The following TENM3 variants were observed in gnomAD, a reference collection of about 807,000 sequenced individuals.
TENM3 encodes teneurin transmembrane protein 3.
A neutral mutation model predicts 255.1 loss-of-function variants in TENM3; 63 were observed. The observed-to-expected ratio is 0.25, with a 90% CI of 0.20 to 0.30. The LOEUF is 0.30. Ranked by LOEUF, TENM3 falls within the 10% of genes least tolerant of loss-of-function variation. The probability of loss-of-function intolerance (pLI) is 1.00; values close to 1 mark genes in which losing one functional copy is unlikely to be tolerated. For synonymous variants in TENM3, 1,306 were observed against 1,322.3 expected (o/e 0.99, Z 0.27); for missense variants, 2,929 against 3,461.1 (o/e 0.85, Z 3.86).
At chr4:182,596,976 G>A (rs10015330) in intron 3 of TENM3, among the ~76,000 whole-genome samples, 37 of 152,190 alleles carry the variant, frequency 2.4e-4, no homozygotes, top group African/African-American at 6.3e-4. Context: ...GTTCTTGTGC[G>A]GATCTGCCCA....
rs547364811 is a variant in TENM3 at position 182,632,980 on chromosome 4, A to G, written c.988+4091A>G. Among the ~76,000 whole-genome samples, 17 of 152,048 alleles carry G rather than the reference A, an allele frequency of 1.1e-4. No homozygotes were observed. In the South Asian group the frequency reaches 3.3e-3, roughly 30 times the overall value. On this transcript the variant is annotated intron_variant, in intron 5 of 27. Transcript: ENST00000511685. ...GATCTCACTCTGTCTCACAGGCTGG[A>G]GTGCAACGACGCAGTCACAGCTCAC...
At chr4:182,205,691 A>G (rs1754511053) in intron 1 of TENM3, among the ~76,000 whole-genome samples, 1 of 152,234 alleles carries the variant, frequency 6.6e-6, no homozygotes, top group Non-Finnish European at 1.5e-5. Flanking sequence ...CTCCATGAAC[A>G]GTTTTATTTA....
chr4:181,829,307 G>C, the TENM3 span, among the ~76,000 whole-genome samples: 1 of 152,318 alleles, frequency 6.6e-6, no homozygotes, highest in East Asian at 1.9e-4. Flanking sequence ...AGGAAGTGCA[G>C]CAACTATAAT....
the TENM3 span, among the ~76,000 whole-genome samples, chr4:181,564,043 T>C: frequency 7.0e-6 from 1 of 142,960 alleles, no homozygotes; most frequent in Non-Finnish European, 1.5e-5. Flanking sequence ...CTTTTTTCTT[T>C]TTTTTTTTTT....
At chr4:181,594,819 C>T in the TENM3 span, among the ~76,000 whole-genome samples, 1 of 152,190 alleles carries the variant, frequency 6.6e-6, no homozygotes. Flanking sequence ...TCTTCCCCAA[C>T]ACCCACACAC....
the TENM3 span, among the ~76,000 whole-genome samples, chr4:181,458,291 T>C: frequency 6.6e-6 from 1 of 151,988 alleles, no homozygotes; most frequent in African/African-American, 2.4e-5. Flanking sequence ...AGAAAAAAAC[T>C]GATCTTTGAG....
At chr4:181,631,020 T>A in the TENM3 span, among the ~76,000 whole-genome samples, 299 of 152,290 alleles carry the variant, frequency 2.0e-3, 3 homozygotes, top group Middle Eastern at 6.8e-3. Context: ...GGTTCTCTGA[T>A]TGCGGTATCA....
At chr4:182,289,618 A>G (rs780431755) in intron 1 of TENM3, among the ~76,000 whole-genome samples, 7 of 152,234 alleles carry the variant, frequency 4.6e-5, no homozygotes, top group Non-Finnish European at 7.3e-5. Flanking sequence ...GATCATATAC[A>G]TATTTTGTTC....
chr4:182,220,455 T>C (rs1484436244), intron 1 of TENM3, among the ~76,000 whole-genome samples: 2 of 149,690 alleles, frequency 1.3e-5, no homozygotes, highest in Non-Finnish European at 3.0e-5. Flanking sequence ...TGCCTTACAC[T>C]GTTCAGGGCT....
chr4:182,549,779 T>C (rs1438423276), intron 3 of TENM3, among the ~76,000 whole-genome samples: 3 of 152,194 alleles, frequency 2.0e-5, no homozygotes, highest in African/African-American at 7.2e-5. Context: ...ATCTGTCAAG[T>C]AGGGCTAAAA....
the TENM3 span, among the ~76,000 whole-genome samples, chr4:181,869,864 T>A: frequency 2.0e-5 from 3 of 152,192 alleles, no homozygotes; most frequent in African/African-American, 7.2e-5. Flanking sequence ...AATGCACAAT[T>A]TGACAGTATC....
the TENM3 span, among the ~76,000 whole-genome samples, chr4:181,508,845 A>G: frequency 1.3e-5 from 2 of 151,234 alleles, no homozygotes; most frequent in African/African-American, 4.9e-5. Context: ...CAGTGAATCC[A>G]AAAGCACTTC....
the TENM3 span, among the ~76,000 whole-genome samples, chr4:181,680,058 A>G: frequency 6.6e-6 from 1 of 151,958 alleles, no homozygotes; most frequent in African/African-American, 2.4e-5. Flanking sequence ...AGCTATACCT[A>G]CCTACAGCTT....
At chr4:182,597,182 C>T (rs528075160) in intron 3 of TENM3, among the ~76,000 whole-genome samples, 30 of 152,252 alleles carry the variant, frequency 2.0e-4, no homozygotes, top group African/African-American at 5.8e-4. Context: ...GCGGGAGGAT[C>T]GCTTGAGCCC....
chr4:182,197,767 C>T (rs1199297467), intron 1 of TENM3, among the ~76,000 whole-genome samples: 1 of 152,174 alleles, frequency 6.6e-6, no homozygotes, highest in African/African-American at 2.4e-5. Flanking sequence ...CTCAGAAATG[C>T]GGTGCTGGTT....
At chr4:181,984,201 A>C in the TENM3 span, among the ~76,000 whole-genome samples, 1 of 152,040 alleles carries the variant, frequency 6.6e-6, no homozygotes, top group African/African-American at 2.4e-5. Context: ...CCTTCTTGAC[A>C]GGCCTTGGGC....
At chr4:181,762,289 C>T in the TENM3 span, among the ~76,000 whole-genome samples, 2 of 152,106 alleles carry the variant, frequency 1.3e-5, no homozygotes, top group Non-Finnish European at 1.5e-5. Context: ...TCCCTCACTG[C>T]CAAGCATGTA....
At chr4:181,959,190 CT>C in the TENM3 span, among the ~76,000 whole-genome samples, 1 of 152,136 alleles carries the variant, frequency 6.6e-6, no homozygotes, top group Non-Finnish European at 1.5e-5. Context: ...TCTAGGAAGC[CT>C]TTCTTCAACT....
At chr4:181,541,108 T>G in the TENM3 span, among the ~76,000 whole-genome samples, 1 of 152,200 alleles carries the variant, frequency 6.6e-6, no homozygotes, top group East Asian at 1.9e-4. Flanking sequence ...GCACAGTGGC[T>G]CATGCCTGTA....
Sources: gnomAD v4.1 joint callset for allele counts (sites outside exome capture counted in the v4.1 genomes callset) on GRCh38, gnomAD v4.1.1 for gene constraint, MANE v1.5 for transcripts, NCBI Gene and HGNC (gene_info 2026-07-23, HGNC 2026-07-21) for gene names.